The following PPP2R5C variants were observed in gnomAD, a reference collection of about 807,000 sequenced individuals.
PPP2R5C encodes protein phosphatase 2 regulatory subunit B'gamma.
In PPP2R5C, 7 loss-of-function variants were observed where a neutral mutation model predicts 68.9. The ratio of observed to expected loss-of-function variants is 0.10; its 90% CI spans 0.06 to 0.19. PPP2R5C has a LOEUF of 0.19. Ranked by LOEUF, PPP2R5C falls within the 10% of genes least tolerant of loss-of-function variation. The pLI, the probability that PPP2R5C is intolerant of heterozygous loss-of-function variation, is 1.00. For missense variants in PPP2R5C, 348 were observed against 641.3 expected, an observed-to-expected ratio of 0.54 and a Z score of 4.94; for synonymous variants, 210 against 222.2, an observed-to-expected ratio of 0.95 and a Z score of 0.49.
At chr14:101,788,049 A>G (rs1357717561) in intron 3 of PPP2R5C, among the ~76,000 whole-genome samples, 2 of 152,172 alleles carry the variant, frequency 1.3e-5, no homozygotes, top group Non-Finnish European at 2.9e-5. Context: ...GTGAGACAGC[A>G]AGGAAAGGGA....
intron 1 of PPP2R5C, among the ~76,000 whole-genome samples, chr14:101,850,847 G>A (rs546323023): frequency 2.0e-5 from 3 of 152,318 alleles, no homozygotes; most frequent in South Asian, 2.1e-4. Flanking sequence ...CTTGGTGGGG[G>A]AAACTCATCC....
chr14:101,909,159 T>C (rs1025840151), intron 10 of PPP2R5C, among the ~76,000 whole-genome samples: 16 of 152,250 alleles, frequency 1.1e-4, no homozygotes, highest in Non-Finnish European at 2.2e-4. Flanking sequence ...TTATTTTCTC[T>C]TTCAAAGCTC....
rs145251619 is a variant in PPP2R5C, at chr14:101,812,447, G to A, written c.94+2411G>A. 1.1e-4 allele frequency among the ~76,000 whole-genome samples: 17 copies of A among 152,288 alleles called. No homozygotes were observed. The East Asian group carries it at 2.7e-3, about 24-fold the overall frequency. Reference sequence around the variant, plus strand: ...CCTTCCCGTTTATTTAGGAAGGAGGGGTCTTTCCCACTGAAGGAGAAATAA... The same window carrying A: ...CCTTCCCGTTTATTTAGGAAGGAGGAGTCTTTCCCACTGAAGGAGAAATAA... On this transcript the variant is annotated intron_variant, in intron 1 of 13. Coordinates refer to ENST00000334743, the Ensembl canonical transcript of PPP2R5C.
At chr14:101,890,786 T>TTTC (rs1286954150) in intron 6 of PPP2R5C, among the ~76,000 whole-genome samples, 1 of 145,792 alleles carries the variant, frequency 6.9e-6, no homozygotes, top group African/African-American at 2.6e-5. Flanking sequence ...TTTTTTTTTT[T>TTTC]TTCTTTTTGA....
In PPP2R5C at chr14:101,917,200, A is replaced by G. The variant is rs1566969802; in HGVS notation, c.1327-631A>G. ...GGCTGAGCCATCTGTGTTTCAATCC[A>G]GAGCACAGGGAGAGTGGAGAAGTCC... On this transcript the variant is annotated intron_variant, in intron 12 of 13. Coordinates refer to ENST00000334743, the Ensembl canonical transcript of PPP2R5C. The surrounding 1 kb of genome is among the most constrained non-coding windows in gnomAD (Gnocchi z 4.4). 6.6e-6 allele frequency among the ~76,000 whole-genome samples: 1 copy of G among 152,170 alleles called. No homozygotes were observed. The highest frequency in any genetic ancestry group is 1.5e-5 in the Non-Finnish European group (1 of 68,034).
intron 1 of PPP2R5C, among the ~76,000 whole-genome samples, chr14:101,853,670 T>A (rs982276143): frequency 1.3e-5 from 2 of 152,198 alleles, no homozygotes. Context: ...AGGGTACATT[T>A]GGCCCTCGTG....
At chr14:101,905,884 G>A (rs901841463) in intron 9 of PPP2R5C, among the ~76,000 whole-genome samples, 10 of 152,194 alleles carry the variant, frequency 6.6e-5, no homozygotes, top group Admixed American at 1.3e-4. Flanking sequence ...CACCGCACAC[G>A]CACCGCCGCT....
intron 1 of PPP2R5C, among the ~76,000 whole-genome samples, chr14:101,840,948 ATCAGGAGAGTAACAAGATTGAG>A (rs1283716453): frequency 6.6e-6 from 1 of 152,228 alleles, no homozygotes; most frequent in African/African-American, 2.4e-5. Context: ...TTCTGTTACC[ATCAGGAGAGTAACAAGATTGAG>A]TTATAGATGC....
At chr14:101,785,401 G>A (rs1006418004) in intron 2 of PPP2R5C, among the ~76,000 whole-genome samples, 3 of 152,148 alleles carry the variant, frequency 2.0e-5, no homozygotes, top group Admixed American at 6.5e-5. Flanking sequence ...GGCTCTGGAG[G>A]TTCTAGAGGA....
At chr14:101,816,209 G>A (rs536424067) in intron 1 of PPP2R5C, among the ~76,000 whole-genome samples, 15 of 152,320 alleles carry the variant, frequency 9.8e-5, no homozygotes, top group African/African-American at 3.4e-4. Flanking sequence ...TTGAAAGAGC[G>A]ACACAGGTGC....
rs2041054528 is a variant in PPP2R5C at position 101,835,830 on chromosome 14, G to A, written c.95-20856G>A. 6.6e-6 allele frequency among the ~76,000 whole-genome samples: 1 copy of A among 152,348 alleles called. No homozygotes were observed. The highest frequency in any genetic ancestry group is 2.1e-4 in the South Asian group (1 of 4,832). ...CTGCCCTGCCTGGGCTCAGGCATCA[G>A]CACGGTCCCATCTGAGCGTCGCCTT... On this transcript the variant is annotated intron_variant, in intron 1 of 13. Transcript: ENST00000334743. The surrounding 1 kb of genome is among the most constrained non-coding windows in gnomAD (Gnocchi z 5.0).
rs570814377 is a variant in PPP2R5C, at chr14:101,819,288, C to A, written c.94+9252C>A. On this transcript the variant is annotated intron_variant, in intron 1 of 13. Coordinates refer to ENST00000334743, the Ensembl canonical transcript of PPP2R5C. ...TGGAGCAGTGTTCACCCTGGGCAGC[C>A]TGTGGCCCCTGGGGTCACAGAGCTG... 1.2e-4 allele frequency: 59 copies of A among 487,952 alleles called. 1 individual carries two copies. Among genetic ancestry groups the A allele is most frequent in the Middle Eastern group, 1.1e-3 (2 of 1,788 alleles). The allele number at this position is 487,952 out of a possible 1,614,324, so 30.2% of individuals were successfully genotyped here. A position where few individuals can be genotyped will look rare whatever the true frequency, so the allele number is the denominator to read the frequency against.
chr14:101,786,653 C>A lies in PPP2R5C; in HGVS notation c.259+470C>A, dbSNP rs8014771. Among the ~76,000 whole-genome samples, 720 of 152,172 alleles carry A rather than the reference C, an allele frequency of 4.7e-3. 4 individuals are homozygous for A. Among genetic ancestry groups the A allele is most frequent in the African/African-American group, 0.016 (681 of 41,512 alleles). On this transcript the variant is annotated intron_variant, in intron 3 of 14. Transcript: ENST00000328724. ...TTTGTTATGAGTCATTTGAGGATTA[C>A]CTCTACTCAAGCATTTCTTATATGA...
chr14:101,925,701 TTGAAA>T (rs2047261905), exon 14 of PPP2R5C: 1 of 154,152 alleles, frequency 6.5e-6, no homozygotes, highest in South Asian at 2.0e-4. Flanking sequence ...TTTACAGCCT[TTGAAA>T]TGGTTTCCAC....
In PPP2R5C at chr14:101,917,116, G is replaced by A. The variant is rs138915972; in HGVS notation, c.1327-715G>A. On this transcript the variant is annotated intron_variant, in intron 12 of 13. Coordinates refer to ENST00000334743, the Ensembl canonical transcript of PPP2R5C. This position sits in a 1 kb window ranked among gnomAD's most constrained non-coding sequence, Gnocchi z 4.4. ...GGAACCCTCACAGCCACCCTCCGGGGTGACCTTACCCCCGCACTACACTCA... is the reference window on the plus strand; with the variant it reads ...GGAACCCTCACAGCCACCCTCCGGGATGACCTTACCCCCGCACTACACTCA... Among the ~76,000 whole-genome samples the A allele has an allele frequency of 6.6e-6, 1 of 152,214 alleles. No homozygotes were observed. The highest frequency in any genetic ancestry group is 1.9e-4 in the East Asian group (1 of 5,180).
chr14:101,766,227 A>T (rs1187168898), intron 2 of PPP2R5C: 3 of 152,270 alleles, frequency 2.0e-5, no homozygotes, highest in Admixed American at 2.0e-4. Context: ...ACAAGGGGAC[A>T]TTTGATGGTT....
intron 2 of PPP2R5C, among the ~76,000 whole-genome samples, chr14:101,783,083 A>C (rs1048102000): frequency 3.8e-3 from 1 of 266 alleles, no homozygotes; most frequent in Non-Finnish European, 9.3e-3. Context: ...TTTTCTCTCT[A>C]CCCCCTCTTT....
chr14:101,886,456 G>C (rs2044520886), intron 5 of PPP2R5C, among the ~76,000 whole-genome samples: 1 of 151,854 alleles, frequency 6.6e-6, no homozygotes, highest in African/African-American at 2.4e-5. Flanking sequence ...AGTCTTTTCT[G>C]TAATTGTGTG....
chr14:101,893,244 T>C, intron 7 of PPP2R5C, 136 bp downstream of exon 9: 1 of 571,894 alleles, frequency 1.7e-6, no homozygotes, highest in Non-Finnish European at 3.1e-6. Flanking sequence ...AAACTTCTGG[T>C]GATAATCGAA....
Sources: allele counts gnomAD v4.1 joint callset (sites outside exome capture counted in the v4.1 genomes callset), GRCh38; gene constraint gnomAD v4.1.1; non-coding constraint Gnocchi (gnomAD v3.1); transcripts MANE v1.5; gene names NCBI Gene and HGNC (gene_info 2026-07-23, HGNC 2026-07-21).